Variants in PCDH15 observed in about 807,000 individuals in gnomAD.
PCDH15 encodes the protein protocadherin related 15, also known as protocadherin-15.
A neutral mutation model predicts 178.5 loss-of-function variants in PCDH15; 129 were observed. The ratio of observed to expected loss-of-function variants is 0.72; its 90% CI spans 0.63 to 0.84. The LOEUF is 0.84. Ranked by LOEUF, PCDH15 falls within the 40% of genes least tolerant of loss-of-function variation. The pLI, the probability that PCDH15 is intolerant of heterozygous loss-of-function variation, is 0.00. For missense variants in PCDH15, 2,230 were observed against 2,099.9 expected, an observed-to-expected ratio of 1.06 and a Z score of -1.21; for synonymous variants, 800 against 732.0, an observed-to-expected ratio of 1.09 and a Z score of -1.50.
intron 2 of PCDH15, among the ~76,000 whole-genome samples, chr10:55,039,442 T>C (rs905616021): frequency 6.6e-6 from 1 of 152,126 alleles, no homozygotes; most frequent in African/African-American, 2.4e-5. Flanking sequence ...CCTCTTCCAG[T>C]AGTTAGGCAT....
intron 1 of PCDH15, among the ~76,000 whole-genome samples, chr10:54,671,420 G>C (rs956865470): frequency 6.6e-6 from 1 of 152,098 alleles, no homozygotes; most frequent in African/African-American, 2.4e-5. Flanking sequence ...GTATGAAAAT[G>C]TCAGTGACTT....
At chr10:55,244,938 T>C (rs552653245) in intron 1 of PCDH15, among the ~76,000 whole-genome samples, 1 of 152,164 alleles carries the variant, frequency 6.6e-6, no homozygotes, top group South Asian at 2.1e-4. Context: ...TTTTGCACCA[T>C]TATTGTTCCC....
Position 54,574,428 on chromosome 10 carries a change from G to T in PCDH15, c.92-46551C>A, listed in dbSNP as rs534826542. Among the ~76,000 whole-genome samples the T allele has an allele frequency of 5.3e-5, 8 of 152,072 alleles. No individual in the cohort carries two copies. The South Asian group carries it at 1.7e-3, about 32-fold the overall frequency. ...GTACCATGCTGTTTTGGTTACTGTA[G>T]CCTTGTATTATAGTTTGAAGTCAGG... On this transcript the variant is annotated intron_variant, in intron 2 of 37. Transcript: ENST00000644397.
intron 1 of PCDH15, among the ~76,000 whole-genome samples, chr10:55,199,850 G>T (rs1840194861): frequency 6.6e-6 from 1 of 152,122 alleles, no homozygotes; most frequent in South Asian, 2.1e-4. Context: ...AGCCTTAGTG[G>T]CTTCCACATG....
chr10:54,513,205 T>G (rs2081879843), intron 3 of PCDH15, among the ~76,000 whole-genome samples: 1 of 151,692 alleles, frequency 6.6e-6, no homozygotes, highest in Admixed American at 6.6e-5. Flanking sequence ...TTTCTTTTTC[T>G]TTGATTTGGC....
intron 2 of PCDH15, among the ~76,000 whole-genome samples, chr10:54,991,890 T>C (rs1277203041): frequency 6.6e-6 from 1 of 152,096 alleles, no homozygotes; most frequent in Non-Finnish European, 1.5e-5. Context: ...TTTTAGTATA[T>C]ATTTAAAATA....
At chr10:54,501,035 C>G (rs533504420) in intron 3 of PCDH15, among the ~76,000 whole-genome samples, 1 of 151,788 alleles carries the variant, frequency 6.6e-6, no homozygotes, top group Non-Finnish European at 1.5e-5. Context: ...GGGAGCTGAA[C>G]GATGAGAATA....
chr10:53,825,779 T>TAAAC (rs2076637237), intron 32 of PCDH15, among the ~76,000 whole-genome samples: 1 of 151,010 alleles, frequency 6.6e-6, no homozygotes, highest in Non-Finnish European at 1.5e-5. Context: ...ATAGATAGGT[T>TAAAC]AAACATTTAC....
chr10:55,325,417 C>A (rs1844004287), intron 2 of PCDH15, among the ~76,000 whole-genome samples: 1 of 152,044 alleles, frequency 6.6e-6, no homozygotes, highest in Middle Eastern at 3.4e-3. Context: ...TAATGCTGAA[C>A]CCCCATGATC....
In PCDH15 at chr10:54,355,862, T is replaced by C. The variant is rs570163027; in HGVS notation, c.475-9378A>G. Among the ~76,000 whole-genome samples the C allele has an allele frequency of 3.3e-5, 5 of 152,182 alleles. 1 individual carries two copies. Among genetic ancestry groups the C allele is most frequent in the Non-Finnish European group, 1.5e-5 (1 of 67,926 alleles). ...TAATCAAATCTCTATTGCTAGAACA[T>C]GCCTAAACCATTGAAAAGCATTCAA... On this transcript the variant is annotated intron_variant, in intron 5 of 37. Transcript: ENST00000644397.
At chr10:55,222,023 C>T (rs1175085227) in intron 1 of PCDH15, among the ~76,000 whole-genome samples, 4 of 150,494 alleles carry the variant, frequency 2.7e-5, no homozygotes, top group South Asian at 2.1e-4. Flanking sequence ...CCCGCCACCA[C>T]ACCCGGCTAA....
chr10:53,961,926 T>A, intron 21 of PCDH15, 34 bp from the exon 22 acceptor site: 1 of 1,558,028 alleles, frequency 6.4e-7, no homozygotes, highest in Non-Finnish European at 8.8e-7. Flanking sequence ...AATTTGCTGT[T>A]ACCAAGTTAA....
chr10:54,818,996 T>C (rs1403560823), intron 3 of PCDH15, among the ~76,000 whole-genome samples: 2 of 152,006 alleles, frequency 1.3e-5, no homozygotes, highest in African/African-American at 2.4e-5. Flanking sequence ...GTGATCATAG[T>C]TCACTGTAAA....
intron 23 of PCDH15, among the ~76,000 whole-genome samples, chr10:53,950,454 A>T (rs1003282118): frequency 1.3e-5 from 2 of 152,160 alleles, no homozygotes; most frequent in African/African-American, 4.8e-5. Context: ...ACAAAGGCCT[A>T]CCTATATAGG....
chr10:54,664,899 C>T (rs1463050880), intron 1 of PCDH15, among the ~76,000 whole-genome samples: 7 of 148,682 alleles, frequency 4.7e-5, no homozygotes, highest in African/African-American at 1.2e-4. Context: ...CTTTTCAATC[C>T]CCAGCAAGTT....
chr10:55,093,758 A>G (rs940500026), intron 2 of PCDH15, among the ~76,000 whole-genome samples: 5 of 152,172 alleles, frequency 3.3e-5, no homozygotes, highest in African/African-American at 1.2e-4. Flanking sequence ...TCTCAAAAGA[A>G]GACATTTAAG....
At chr10:54,499,506 A>G (rs1296769747) in intron 3 of PCDH15, among the ~76,000 whole-genome samples, 1 of 152,186 alleles carries the variant, frequency 6.6e-6, no homozygotes, top group Admixed American at 6.6e-5. Flanking sequence ...ATAGAAATCA[A>G]TACCAAGAAC....
intron 1 of PCDH15, among the ~76,000 whole-genome samples, chr10:54,696,348 AAT>A (rs2095223512): frequency 6.6e-6 from 1 of 152,126 alleles, no homozygotes; most frequent in Non-Finnish European, 1.5e-5. Flanking sequence ...CTCATGATAA[AAT>A]ATACACAAAT....
chr10:54,138,557 T>C (rs1485068123), intron 14 of PCDH15, among the ~76,000 whole-genome samples: 1 of 152,194 alleles, frequency 6.6e-6, no homozygotes, highest in African/African-American at 2.4e-5. Flanking sequence ...TGCTATTGAA[T>C]GGGAAAGCAT....
Sources: allele counts gnomAD v4.1 joint callset (sites outside exome capture counted in the v4.1 genomes callset), GRCh38; gene constraint gnomAD v4.1.1; transcripts MANE v1.5; gene names NCBI Gene and HGNC (gene_info 2026-07-23, HGNC 2026-07-21).